GDF1: variants seen among roughly 807,000 people sequenced by gnomAD.
The protein encoded by GDF1 is embryonic growth/differentiation factor 1.
In GDF1, 8 loss-of-function variants were observed where a neutral mutation model predicts 7.4. The observed-to-expected ratio is 1.09, with a 90% CI of 0.64 to 1.96. The LOEUF (loss-of-function observed/expected upper bound fraction) is 1.96, where lower values mean the gene tolerates loss of function less well. GDF1 is among the 30% of genes most tolerant of loss of function. The pLI is 0.00. For missense variants in GDF1, 574 were observed against 551.5 expected (o/e 1.04, Z -0.41); for synonymous variants, 311 against 276.7 (o/e 1.12, Z -1.23).
intron 6 of GDF1, among the ~76,000 whole-genome samples, chr19:18,872,866 C>T (rs2055999737): frequency 6.6e-6 from 1 of 152,132 alleles, no homozygotes; most frequent in African/African-American, 2.4e-5. Flanking sequence ...CCAGGTTGGT[C>T]TCGAACTCCT....
chr19:18,876,536 T>TGTGTGTGTGTGTGTGTG (rs1555703706), intron 6 of GDF1, among the ~76,000 whole-genome samples: 30 of 143,276 alleles, frequency 2.1e-4, no homozygotes, highest in Middle Eastern at 3.6e-3. Context: ...TTTGATTGGG[T>TGTGTGTGTGTGTGTGTG]TGTGTGTGTG....
Position 18,870,142 on chromosome 19 carries a change from G to A in GDF1, c.166C>T (p.Arg56Trp), listed in dbSNP as rs2055940255. The change falls in exon 7 of 8, where the codon CGG becomes TGG. Residue 56 changes from arginine to tryptophan, a missense_variant. By Grantham distance (101) the Arg-to-Trp change is moderately radical. Coordinates refer to ENST00000247005, the MANE Select transcript of GDF1 (RefSeq NM_001492.6). The surrounding 1 kb of genome is among the most constrained non-coding windows in gnomAD (Gnocchi z 5.1). ...CGCCACATGACCGGGGGAACCGGCC[G>A]GAGCCTGGGGGCACCCTGGGGCTCA... ...RDEPQGAPRL[R>W]PVPPVMWRLF... 1.3e-6 allele frequency: 2 copies of A among 1,563,336 alleles called. No homozygotes were observed. Among genetic ancestry groups the A allele is most frequent in the Non-Finnish European group, 1.7e-6 (2 of 1,160,174 alleles).
intron 2 of GDF1, among the ~76,000 whole-genome samples, chr19:18,891,959 T>A (rs527906999): frequency 1.4e-5 from 2 of 147,056 alleles, no homozygotes; most frequent in East Asian, 4.1e-4. Context: ...AGTGGCACCA[T>A]CTCGGCTCAC....
chr19:18,879,130 C>T, intron 5 of GDF1, 91 bp from the exon 6 acceptor site: 1 of 1,586,078 alleles, frequency 6.3e-7, no homozygotes, highest in Non-Finnish European at 8.6e-7. Flanking sequence ...GGGCCCTCCA[C>T]ACGGGCTGTC....
chr19:18,879,138 G>A, intron 5 of GDF1, 99 bp from the exon 6 acceptor site: 1 of 1,589,426 alleles, frequency 6.3e-7, no homozygotes. Context: ...CACACGGGCT[G>A]TCTGCCACCT....
At position 18,869,062 on chromosome 19, in the gene GDF1, C is replaced by T; in HGVS notation, c.654G>A (p.Ala218=). 1.9e-6 allele frequency: 2 copies of T among 1,059,672 alleles called. No homozygotes were observed. Among genetic ancestry groups the T allele is most frequent in the South Asian group, 4.2e-5 (1 of 23,534 alleles). 65.6% of individuals were successfully genotyped at this position (1,059,672 alleles called of 1,614,324 possible). The change falls in exon 8 of 8, where the codon GCG becomes GCA. Residue 218 remains alanine, a synonymous_variant. Transcript: ENST00000247005. ...SWPRSLRLAL[A]LRPRAPAACA... The stretch of plus-strand genomic sequence containing the variant: ...AGGCGGCAGGGGCCCGGGGGCGTAG[C>T]GCCAGCGCCAGGCGGAGGCTGCGCG...
At chr19:18,876,088 G>A (rs569865114) in intron 6 of GDF1, among the ~76,000 whole-genome samples, 1 of 152,136 alleles carries the variant, frequency 6.6e-6, no homozygotes, top group East Asian at 1.9e-4. Context: ...GAGTTCAAGC[G>A]ATTCTCCTGC....
At chr19:18,890,106 G>A (rs140354318) in intron 2 of GDF1, among the ~76,000 whole-genome samples, 60 of 152,244 alleles carry the variant, frequency 3.9e-4, no homozygotes, top group Non-Finnish European at 7.4e-4. Flanking sequence ...AATCCTGACC[G>A]TGGCCTCCGA....
At chr19:18,884,709 CTTTTTTTTTT>C (rs36074874) in intron 2 of GDF1, among the ~76,000 whole-genome samples, 1 of 69,134 alleles carries the variant, frequency 1.4e-5, no homozygotes, top group East Asian at 5.0e-4. Context: ...GCCCAGCCGT[CTTTTTTTTTT>C]TTTTTTTTTT....
chr19:18,869,279 C>T lies in GDF1; in HGVS notation c.437G>A (p.Arg146His), dbSNP rs747345121. ...CGCCGCCGCGAAACGCAGCTCCAGGCGGGCCCGGCTCGGGCGCTCAGCGGG... is the reference window on the plus strand; with the variant it reads ...CGCCGCCGCGAAACGCAGCTCCAGGTGGGCCCGGCTCGGGCGCTCAGCGGG... ...VEPAERPSRA[R>H]LELRFAAAAA... is the part of the protein sequence containing the mutation. The change falls in exon 8 of 8, where the codon CGC (arginine) becomes CAC (histidine). Residue 146 changes from arginine (R) to histidine (H), a missense_variant. Arg to His is a conservative substitution (Grantham distance 29). Transcript: ENST00000247005. 1 of 1,497,138 alleles carries T rather than the reference C, an allele frequency of 6.7e-7. No individual in the cohort carries two copies. Among genetic ancestry groups the T allele is most frequent in the Non-Finnish European group, 8.8e-7 (1 of 1,131,430 alleles). 92.7% of individuals were successfully genotyped at this position (1,497,138 alleles called of 1,614,324 possible).
chr19:18,868,802 G>T lies in GDF1; in HGVS notation c.914C>A (p.Ala305Glu). The T allele has an allele frequency of 6.9e-7, 1 of 1,455,746 alleles. No individual in the cohort carries two copies. Among genetic ancestry groups the T allele is most frequent in the African/African-American group, 1.5e-5 (1 of 67,000 alleles). The allele number at this position is 1,455,746 out of a possible 1,614,324, so 90.2% of individuals were successfully genotyped here. ...YCQGQCALPV[A>E]LSGSGGPPAL... Reference sequence around the variant, plus strand: ...CGGCGGCCCCCCGGACCCCGACAGCGCGACGGGCAGCGCGCACTGACCCTG... The same window carrying T: ...CGGCGGCCCCCCGGACCCCGACAGCTCGACGGGCAGCGCGCACTGACCCTG... The change falls in exon 8 of 8, where the codon GCG becomes GAG. Residue 305 changes from alanine (A) to glutamate (E), a missense_variant. By Grantham distance (107) the Ala-to-Glu change is moderately radical. Coordinates refer to ENST00000247005, the MANE Select transcript of GDF1 (RefSeq NM_001492.6).
chr19:18,893,532 T>C lies in GDF1; in HGVS notation c.-1030A>G, dbSNP rs770877225. On this transcript the variant is annotated 5_prime_UTR_variant, in exon 2 of 8. Transcript: ENST00000247005. ...AAACTTCCAAGCGCTCTCGGGCATCTTGGCGGCATCTCTGGGCTGGAGGCA... is the reference window on the plus strand; with the variant it reads ...AAACTTCCAAGCGCTCTCGGGCATCCTGGCGGCATCTCTGGGCTGGAGGCA... The C allele has an allele frequency of 1.2e-4, 188 of 1,610,866 alleles. No individual in the cohort carries two copies. The highest frequency in any genetic ancestry group is 1.5e-4 in the Non-Finnish European group (179 of 1,178,936).
Position 18,869,130 on chromosome 19 carries a change from C to A in GDF1, c.586G>T (p.Ala196Ser). The change falls in exon 8 of 8, where the codon GCG becomes TCG. Residue 196 changes from alanine (A) to serine (S), a missense_variant. Ala to Ser is a moderately conservative substitution (Grantham distance 99, BLOSUM62 1). Transcript: ENST00000247005. ...LVPALGPPVR[A>S]ELLGAAWARN... ...GCCCAAGCGGCGCCCAGCAGCTCCG[C>A]GCGCACTGGCGGCCCCAGGGCGGGC... The A allele has an allele frequency of 9.1e-7, 1 of 1,099,004 alleles. No homozygotes were observed. The highest frequency in any genetic ancestry group is 1.1e-6 in the Non-Finnish European group (1 of 902,060). 68.1% of individuals were successfully genotyped at this position (1,099,004 alleles called of 1,614,324 possible).
In GDF1 at chr19:18,879,019, G is replaced by C; in HGVS notation, c.-402C>G. 1 of 1,613,690 alleles carries C rather than the reference G, an allele frequency of 6.2e-7. No individual in the cohort carries two copies. Among genetic ancestry groups the C allele is most frequent in the Non-Finnish European group, 8.5e-7 (1 of 1,179,854 alleles). ...CGTGCACCTGGCCTGTCAACACCTT[G>C]GCTGCAAACGCCACGATGTACTGCG... On this transcript the variant is annotated 5_prime_UTR_variant, in exon 6 of 8. Coordinates refer to ENST00000247005, the MANE Select transcript of GDF1 (RefSeq NM_001492.6).
intron 2 of GDF1, among the ~76,000 whole-genome samples, chr19:18,891,547 A>G (rs1310885192): frequency 6.6e-6 from 1 of 151,722 alleles, no homozygotes; most frequent in Non-Finnish European, 1.5e-5. Flanking sequence ...ACTCCAATCA[A>G]TTGGACACAG....
intron 2 of GDF1, among the ~76,000 whole-genome samples, chr19:18,890,899 G>A (rs1349526956): frequency 1.3e-5 from 2 of 151,912 alleles, no homozygotes; most frequent in Non-Finnish European, 2.9e-5. Context: ...TGAGGCGGGC[G>A]GATCACCTGA....
At chr19:18,880,169 T>A in intron 4 of GDF1, 105 bp downstream of exon 4, 136 of 987,476 alleles carry the variant, frequency 1.4e-4, no homozygotes, top group Admixed American at 2.5e-4. Flanking sequence ...CACACCCACC[T>A]CACCGGGCCC....
chr19:18,878,909 T>C lies in GDF1; in HGVS notation c.-313+21A>G, dbSNP rs111396349. ...TGACACTAAAGGAGGGAACGCGGGG[T>C]GCGGGCCCCTCCACACTCACTCGGC... On this transcript the variant is annotated intron_variant, in intron 6 of 7. Coordinates refer to ENST00000247005, the MANE Select transcript of GDF1 (RefSeq NM_001492.6). This position sits in a 1 kb window ranked among gnomAD's most constrained non-coding sequence, Gnocchi z 4.6. The C allele has an allele frequency of 2.1e-3, 3,348 of 1,611,438 alleles. 43 individuals are homozygous for C. In the African/African-American group the frequency reaches 0.035, roughly 17 times the overall value.
At chr19:18,892,947 C>T (rs976560859) in intron 2 of GDF1, among the ~76,000 whole-genome samples, 1 of 152,052 alleles carries the variant, frequency 6.6e-6, no homozygotes, top group Admixed American at 6.6e-5. Context: ...TACAGAGTCT[C>T]GCTCTGTTGC....
Sources: allele counts gnomAD v4.1 joint callset (sites outside exome capture counted in the v4.1 genomes callset), GRCh38; gene constraint gnomAD v4.1.1; non-coding constraint Gnocchi (gnomAD v3.1); transcripts MANE v1.5; gene names NCBI Gene and HGNC (gene_info 2026-07-23, HGNC 2026-07-21).